Variants in RPL26L1 observed in about 807,000 individuals in gnomAD.
RPL26L1 encodes the protein ribosomal protein uL24-like.
RPL26L1 carries 8 observed loss-of-function variants against 15.2 expected under a neutral mutation model. The ratio of observed to expected loss-of-function variants is 0.53; its 90% CI spans 0.31 to 0.95. RPL26L1 has a LOEUF of 0.95. Ranked by LOEUF, RPL26L1 falls within the 40% of genes least tolerant of loss-of-function variation. RPL26L1 has a pLI of 0.05. For synonymous variants in RPL26L1, 51 were observed against 65.9 expected (o/e 0.77, Z 1.09); for missense variants, 146 against 190.9 (o/e 0.76, Z 1.39).
intron 2 of RPL26L1, among the ~76,000 whole-genome samples, chr5:172,961,380 A>G (rs549605099): frequency 1.3e-5 from 2 of 152,306 alleles, no homozygotes; most frequent in East Asian, 3.9e-4. Flanking sequence ...CAAGCCTCAC[A>G]TATAAGATAT....
At chr5:172,969,288 T>C (rs1755592773) in intron 3 of RPL26L1, 125 bp from the exon 4 acceptor site, 3 of 972,642 alleles carry the variant, frequency 3.1e-6, no homozygotes, top group Non-Finnish European at 4.7e-6. Context: ...AGGGTCTGTT[T>C]TCCTTCCAGA....
chr5:172,962,793 G>A (rs1370343413), intron 2 of RPL26L1, among the ~76,000 whole-genome samples: 1 of 143,808 alleles, frequency 7.0e-6, no homozygotes, highest in Non-Finnish European at 1.5e-5. Flanking sequence ...TCCAGCCTGG[G>A]TGACAGAGTG....
At chr5:172,956,168 T>TA (rs1207715671), upstream of RPL26L1, 1 of 152,058 alleles carries the variant, frequency 6.6e-6, no homozygotes, top group Non-Finnish European at 1.5e-5. Flanking sequence ...CTAAAAAAAG[T>TA]AAAAGGGGAA....
intron 2 of RPL26L1, among the ~76,000 whole-genome samples, chr5:172,961,664 C>T (rs111638654): frequency 0.016 from 2,376 of 152,344 alleles, 68 homozygotes; most frequent in African/African-American, 0.053. Context: ...ATAATCCCTT[C>T]GTGACTGAAT....
intron 2 of RPL26L1, among the ~76,000 whole-genome samples, chr5:172,967,332 G>T (rs1344041648): frequency 6.6e-6 from 1 of 152,060 alleles, no homozygotes; most frequent in Non-Finnish European, 1.5e-5. Context: ...AGGCCTGCTG[G>T]TGCGTGCCTA....
At chr5:172,957,404 T>C, upstream of RPL26L1, 1 of 388,624 alleles carries the variant, frequency 2.6e-6, no homozygotes, top group South Asian at 1.9e-5. Flanking sequence ...GTTCTCAAGA[T>C]CTGTCTTTAC....
At chr5:172,956,758 T>G (rs1393750805), upstream of RPL26L1, among the ~76,000 whole-genome samples, 1 of 151,908 alleles carries the variant, frequency 6.6e-6, no homozygotes, top group African/African-American at 2.4e-5. Context: ...ACCAACATGG[T>G]GAAACCCTGT....
upstream of RPL26L1, among the ~76,000 whole-genome samples, chr5:172,956,481 C>T (rs987334835): frequency 9.8e-5 from 15 of 152,288 alleles, no homozygotes; most frequent in African/African-American, 3.4e-4. Flanking sequence ...TGTTATTTAA[C>T]GGACTGAAAT....
intron 2 of RPL26L1, among the ~76,000 whole-genome samples, chr5:172,960,599 GGCA>G (rs1264120287): frequency 1.3e-5 from 1 of 78,200 alleles, no homozygotes; most frequent in Non-Finnish European, 4.3e-5. Context: ...CATTGGATTT[GGCA>G]GGAGAACTGG....
intron 2 of RPL26L1, among the ~76,000 whole-genome samples, chr5:172,960,424 C>G (rs1471407592): frequency 1.3e-5 from 2 of 152,060 alleles, no homozygotes; most frequent in African/African-American, 2.4e-5. Context: ...ACCAAAAATA[C>G]TTTTGATTTA....
In RPL26L1 at chr5:172,969,563, C is replaced by G. The variant is rs541290184; in HGVS notation, c.*22C>G. On this transcript the variant is annotated 3_prime_UTR_variant, in exon 4 of 4. Transcript: ENST00000265100. ...ATAAATAGAACCTGTTGTGCAACCA[C>G]GGTTTAACCGGAGATTTTGAGGCTA... is the stretch of plus-strand genomic sequence containing the variant. The G allele has an allele frequency of 8.8e-6, 14 of 1,597,494 alleles. No homozygotes were observed. In the East Asian group the frequency reaches 3.2e-4, roughly 36 times the overall value.
intron 2 of RPL26L1, among the ~76,000 whole-genome samples, chr5:172,967,789 C>CACATATATGTATATATGACATATAAGT (rs1755513854): frequency 6.6e-6 from 1 of 150,738 alleles, no homozygotes; most frequent in Non-Finnish European, 1.5e-5. Flanking sequence ...CGTATGTATA[C>CACATATATGTATATATGACATATAAGT]ACATATATGT....
At chr5:172,967,523 G>A (rs572125489) in intron 2 of RPL26L1, among the ~76,000 whole-genome samples, 64 of 152,130 alleles carry the variant, frequency 4.2e-4, no homozygotes, top group African/African-American at 1.5e-3. Context: ...AATCTAGTTG[G>A]TTTTTGAATA....
intron 2 of RPL26L1, among the ~76,000 whole-genome samples, chr5:172,967,321 C>A (rs75244340): frequency 6.6e-6 from 1 of 151,988 alleles, no homozygotes; most frequent in Admixed American, 6.6e-5. Context: ...AAAAATTAGC[C>A]AGGCCTGCTG....
chr5:172,963,538 G>C (rs1188572516), intron 2 of RPL26L1, among the ~76,000 whole-genome samples: 1 of 152,070 alleles, frequency 6.6e-6, no homozygotes, highest in African/African-American at 2.4e-5. Flanking sequence ...TCTCCCGCTG[G>C]AATGTTCTCT....
chr5:172,968,556 A>C lies in RPL26L1; in HGVS notation c.266A>C (p.Lys89Thr). The C allele has an allele frequency of 6.2e-7, 1 of 1,614,126 alleles. No individual in the cohort carries two copies. Among genetic ancestry groups the C allele is most frequent in the Non-Finnish European group, 8.5e-7 (1 of 1,179,998 alleles). The change falls in exon 3 of 4, where the codon AAG (lysine) becomes ACG (threonine). Residue 89 changes from lysine to threonine, a missense_variant. Physicochemically the swap from Lys to Thr is moderately conservative, Grantham distance 78. Coordinates refer to ENST00000265100, the MANE Select transcript of RPL26L1 (RefSeq NM_016093.4). ...VIYIERVQRE[K>T]ANGTTVHVGI... ...TACATCGAGCGGGTGCAGCGTGAGAAGGCCAACGGCACAACTGTCCACGTG... is the reference window on the plus strand; with the variant it reads ...TACATCGAGCGGGTGCAGCGTGAGACGGCCAACGGCACAACTGTCCACGTG...
At position 172,968,440 on chromosome 5, in the gene RPL26L1, C is replaced by T; in HGVS notation, c.169-19C>T. The T allele has an allele frequency of 1.2e-6, 2 of 1,612,218 alleles. No homozygotes were observed. The highest frequency in any genetic ancestry group is 1.7e-6 in the Non-Finnish European group (2 of 1,179,276). ...TGCACTACAAATGGAGGGGGATTCT[C>T]TTTTGTATTTTCTCTTAGGTAGTTC... On this transcript the variant is annotated intron_variant, in intron 2 of 3. Transcript: ENST00000265100.
intron 3 of RPL26L1, among the ~76,000 whole-genome samples, chr5:172,968,838 T>G (rs1482018578): frequency 7.6e-6 from 1 of 132,290 alleles, no homozygotes; most frequent in Non-Finnish European, 1.6e-5. Flanking sequence ...AGACGGATGC[T>G]CGCTCTGTCA....
At chr5:172,960,670 G>T (rs1187284571) in intron 2 of RPL26L1, among the ~76,000 whole-genome samples, 2 of 152,062 alleles carry the variant, frequency 1.3e-5, no homozygotes, top group African/African-American at 4.8e-5. Context: ...ATGTGAGAAC[G>T]TACAAGCCCT....
Sources: allele counts gnomAD v4.1 joint callset (sites outside exome capture counted in the v4.1 genomes callset), GRCh38; gene constraint gnomAD v4.1.1; transcripts MANE v1.5; gene names NCBI Gene and HGNC (gene_info 2026-07-23, HGNC 2026-07-21).